The following DOCK1 variants were observed in gnomAD, a reference collection of about 807,000 sequenced individuals.
DOCK1 encodes dedicator of cytokinesis protein 1.
In DOCK1, 138 loss-of-function variants were observed where a neutral mutation model predicts 262.7. The ratio of observed to expected loss-of-function variants is 0.53; its 90% CI spans 0.46 to 0.61. The LOEUF is 0.61. DOCK1 is among the 20% of genes least tolerant of loss of function. The pLI is 0.00. For synonymous variants in DOCK1, 866 were observed against 867.4 expected (o/e 1.00, Z 0.03); for missense variants, 1,908 against 2,370.7 (o/e 0.80, Z 4.05).
At chr10:127,137,733 G>T in intron 27 of DOCK1, 1 of 1,084,682 alleles carries the variant, frequency 9.2e-7, no homozygotes, top group Non-Finnish European at 1.3e-6. Context: ...GGAGGTGCCT[G>T]AATGGGCACC....
intron 33 of DOCK1, among the ~76,000 whole-genome samples, chr10:127,372,432 T>G (rs2065257418): frequency 6.6e-6 from 1 of 152,200 alleles, no homozygotes; most frequent in South Asian, 2.1e-4. Context: ...GGTTGTGATT[T>G]ATCAACCCTC....
chr10:127,246,194 A>G (rs894867278), intron 27 of DOCK1, among the ~76,000 whole-genome samples: 1 of 152,196 alleles, frequency 6.6e-6, no homozygotes, highest in Non-Finnish European at 1.5e-5. Flanking sequence ...GATGAGGGGT[A>G]AAGAAATGAG....
At position 127,446,015 on chromosome 10, in the gene DOCK1, T is replaced by C. The variant is rs11018100; in HGVS notation, c.5414-1379T>C. Among the ~76,000 whole-genome samples the C allele has an allele frequency of 0.33, 49,697 of 152,072 alleles. 8,459 individuals carry two copies. The highest frequency in any genetic ancestry group is 0.45 in the East Asian group (2,302 of 5,156). ...CCTGTCATCCCAGCACTTTGGGAGT[T>C]CGAGGTGGGTGGATCAGCTGAGGTC... On this transcript the variant is annotated intron_variant, in intron 50 of 51. Coordinates refer to ENST00000623213, the MANE Select transcript of DOCK1 (RefSeq NM_001290223.2). The surrounding 1 kb of genome is among the most constrained non-coding windows in gnomAD (Gnocchi z 4.4).
Position 126,987,510 on chromosome 10 carries a change from T to A in DOCK1, c.228-11T>A. The A allele has an allele frequency of 6.4e-7, 1 of 1,570,212 alleles. No homozygotes were observed. Among genetic ancestry groups the A allele is most frequent in the Middle Eastern group, 1.7e-4 (1 of 5,980 alleles). On this transcript the variant is annotated splice_polypyrimidine_tract_variant and intron_variant, in intron 4 of 51. Coordinates refer to ENST00000623213, the MANE Select transcript of DOCK1 (RefSeq NM_001290223.2). ...CGTGGACTCAGCTGCTCTTTCCTTC[T>A]TTCCTCCCAGGCAACATGAAACAGT...
At chr10:127,421,325 G>C (rs938710372) in intron 46 of DOCK1, among the ~76,000 whole-genome samples, 1 of 152,110 alleles carries the variant, frequency 6.6e-6, no homozygotes, top group African/African-American at 2.4e-5. Context: ...GCTGAGCTTT[G>C]GTTGTGAGCC....
chr10:127,372,335 C>G (rs577717070), intron 33 of DOCK1, among the ~76,000 whole-genome samples: 12 of 152,308 alleles, frequency 7.9e-5, no homozygotes, highest in Non-Finnish European at 1.2e-4. Flanking sequence ...GCAGGGGCAT[C>G]CCCAAGTCTC....
chr10:127,210,325 C>G (rs1799907666), intron 27 of DOCK1, among the ~76,000 whole-genome samples: 1 of 152,180 alleles, frequency 6.6e-6, no homozygotes, highest in Non-Finnish European at 1.5e-5. Flanking sequence ...CGGCAAATGA[C>G]TCCCACGGAA....
chr10:127,010,430 G>C (rs2041341635), intron 11 of DOCK1, among the ~76,000 whole-genome samples: 1 of 152,246 alleles, frequency 6.6e-6, no homozygotes, highest in Non-Finnish European at 1.5e-5. Context: ...TCACGCCACT[G>C]CACTCCAGCC....
At chr10:127,249,631 G>A (rs2059558532) in intron 28 of DOCK1, among the ~76,000 whole-genome samples, 1 of 152,224 alleles carries the variant, frequency 6.6e-6, no homozygotes, top group Admixed American at 6.5e-5. Context: ...TGTACAGCAT[G>A]TGACTGCACT....
intron 3 of DOCK1, among the ~76,000 whole-genome samples, chr10:126,979,856 A>G (rs1317465918): frequency 3.3e-5 from 5 of 152,198 alleles, no homozygotes; most frequent in African/African-American, 9.7e-5. Flanking sequence ...TCCTGTAGTT[A>G]TAAGTGTGCA....
chr10:127,199,395 C>A (rs1028151879), intron 27 of DOCK1, among the ~76,000 whole-genome samples: 2 of 152,088 alleles, frequency 1.3e-5, no homozygotes, highest in Non-Finnish European at 2.9e-5. Context: ...CAAACATGTT[C>A]AAGAATGTTC....
chr10:127,267,123 A>C (rs999586451), intron 29 of DOCK1, among the ~76,000 whole-genome samples: 4 of 152,156 alleles, frequency 2.6e-5, no homozygotes, highest in African/African-American at 9.7e-5. Flanking sequence ...TTTTAGTTTT[A>C]TCTCCAGAGG....
chr10:127,159,377 C>T (rs1276375065), intron 27 of DOCK1, among the ~76,000 whole-genome samples: 2 of 152,192 alleles, frequency 1.3e-5, no homozygotes, highest in Non-Finnish European at 2.9e-5. Context: ...GTTTCTCTAG[C>T]TACCTTATAC....
chr10:127,362,856 T>TACATCTCCACACACACACATAC (rs1565026511), intron 33 of DOCK1, among the ~76,000 whole-genome samples: 27 of 5,418 alleles, frequency 5.0e-3, no homozygotes, highest in East Asian at 0.011. Context: ...CACACACATG[T>TACATCTCCACACACACACATAC]ACATCCCCAC....
chr10:127,122,099 G>C (rs1438982667), intron 25 of DOCK1, among the ~76,000 whole-genome samples: 2 of 152,228 alleles, frequency 1.3e-5, no homozygotes, highest in African/African-American at 4.8e-5. Context: ...CCTGGGTCCA[G>C]TGGGGGCTGT....
chr10:126,955,858 C>G (rs922201561), intron 1 of DOCK1, among the ~76,000 whole-genome samples: 53 of 152,180 alleles, frequency 3.5e-4, no homozygotes, highest in African/African-American at 9.6e-4. Context: ...AAGCAGTTAA[C>G]TAAGGAAAGA....
intron 1 of DOCK1, among the ~76,000 whole-genome samples, chr10:126,925,769 T>C (rs11592905): frequency 0.088 from 12,271 of 139,346 alleles, 829 homozygotes; most frequent in African/African-American, 0.2. Context: ...TGTGTGTGTG[T>C]GCGCCTAGGT....
At chr10:127,270,999 A>AGAG (rs2060545948) in intron 29 of DOCK1, among the ~76,000 whole-genome samples, 1 of 133,660 alleles carries the variant, frequency 7.5e-6, no homozygotes, top group South Asian at 2.7e-4. Flanking sequence ...ATATGTGTGT[A>AGAG]TGTGTGTGTG....
At chr10:127,058,765 T>C (rs1183427414) in intron 22 of DOCK1, among the ~76,000 whole-genome samples, 2 of 152,148 alleles carry the variant, frequency 1.3e-5, no homozygotes, top group Non-Finnish European at 2.9e-5. Flanking sequence ...AATCCACTGA[T>C]AATGCTAGAT....
Sources: gnomAD v4.1 joint callset for allele counts (sites outside exome capture counted in the v4.1 genomes callset) on GRCh38, gnomAD v4.1.1 for gene constraint, Gnocchi (gnomAD v3.1) non-coding constraint, MANE v1.5 for transcripts, NCBI Gene and HGNC (gene_info 2026-07-23, HGNC 2026-07-21) for gene names.